The following MYO18B variants were observed in gnomAD, a reference collection of about 807,000 sequenced individuals.
MYO18B encodes unconventional myosin-XVIIIb.
In MYO18B, 204 loss-of-function variants were observed where a neutral mutation model predicts 273.0. The ratio of observed to expected loss-of-function variants is 0.75; its 90% confidence interval spans 0.67 to 0.84. The LOEUF (loss-of-function observed/expected upper bound fraction) is 0.84, where lower values mean the gene tolerates loss of function less well. Ranked by LOEUF, MYO18B falls within the 40% of genes least tolerant of loss-of-function variation. The probability of loss-of-function intolerance (pLI) is 0.00; values close to 1 mark genes in which losing one functional copy is unlikely to be tolerated. For missense variants in MYO18B, 3,212 were observed against 3,287.6 expected (o/e 0.98, Z 0.56); for synonymous variants, 1,330 against 1,305.7 (o/e 1.02, Z -0.40).
In MYO18B at chr22:25,768,986, A is replaced by G. The variant is rs747996184; in HGVS notation, c.1070A>G (p.Lys357Arg). Reference sequence around the variant, plus strand: ...GGTGAGCCTCAGACCCAGATGGAGAAGACAAGCCAAGTGCAGGGCGAGTTG... The same window carrying G: ...GGTGAGCCTCAGACCCAGATGGAGAGGACAAGCCAAGTGCAGGGCGAGTTG... ...KTGEPQTQMEKTSQVQGELGD... is the reference protein window; with the variant it reads ...KTGEPQTQMERTSQVQGELGD... Residue 357 changes from lysine (K) to arginine (R), a missense_variant, in exon 4 of 44, where the codon AAG becomes AGG. Coordinates refer to ENST00000335473, the MANE Select transcript of MYO18B (RefSeq NM_032608.7). 1 of 1,611,376 alleles carries G rather than the reference A, an allele frequency of 6.2e-7. No individual in the cohort carries two copies. Among genetic ancestry groups the G allele is most frequent in the East Asian group, 2.2e-5 (1 of 44,856 alleles).
intron 21 of MYO18B, among the ~76,000 whole-genome samples, chr22:25,865,003 T>C (rs574011903): frequency 2.0e-5 from 3 of 152,256 alleles, no homozygotes; most frequent in Non-Finnish European, 4.4e-5. Flanking sequence ...GATTATGTTA[T>C]GTTGAACTAA....
chr22:25,818,518 G>T (rs533873080), intron 12 of MYO18B, among the ~76,000 whole-genome samples: 27 of 152,312 alleles, frequency 1.8e-4, no homozygotes, highest in African/African-American at 6.5e-4. Flanking sequence ...AAAGCCTTTA[G>T]CTCAGTGCCT....
chr22:25,779,373 G>T (rs1427069219), intron 8 of MYO18B, among the ~76,000 whole-genome samples: 1 of 152,092 alleles, frequency 6.6e-6, no homozygotes, highest in East Asian at 1.9e-4. Context: ...TAATTAATTT[G>T]CCCCAAATCA....
intron 28 of MYO18B, chr22:25,897,367 C>T (rs1399988820): frequency 6.6e-6 from 1 of 152,130 alleles, no homozygotes; most frequent in Admixed American, 6.6e-5. Context: ...CTCTTGATAT[C>T]CTCTATGCTG....
At chr22:25,809,679 G>C (rs143095057) in intron 12 of MYO18B, among the ~76,000 whole-genome samples, 3 of 152,214 alleles carry the variant, frequency 2.0e-5, no homozygotes, top group African/African-American at 7.2e-5. Flanking sequence ...GGAGCCAGGA[G>C]GTGCTCATGG....
intron 32 of MYO18B, among the ~76,000 whole-genome samples, chr22:25,910,646 C>T (rs1426424423): frequency 1.3e-5 from 2 of 152,196 alleles, no homozygotes; most frequent in East Asian, 3.8e-4. Context: ...AAATATTCAG[C>T]AGTGGCCATG....
At chr22:25,915,634 TTTA>T (rs2092249797) in intron 33 of MYO18B, among the ~76,000 whole-genome samples, 1 of 152,224 alleles carries the variant, frequency 6.6e-6, no homozygotes, top group Non-Finnish European at 1.5e-5. Context: ...AAAAAGATGT[TTTA>T]TTATTGAATA....
rs368684512 is a variant in MYO18B at position 25,948,945 on chromosome 22, G to A, written c.5748+1117G>A. ...GAGTGGGACATTGGGGATTGGGGGT[G>A]CCTTCCAAGCAGAGGAAATAGCACA... is the stretch of plus-strand genomic sequence containing the variant. On this transcript the variant is annotated intron_variant, in intron 36 of 43. Transcript: ENST00000335473. 2.0e-5 allele frequency among the ~76,000 whole-genome samples: 3 copies of A among 152,098 alleles called. No homozygotes were observed. In the East Asian group the frequency reaches 5.8e-4, roughly 29 times the overall value.
chr22:26,060,586 C>T, the MYO18B span, among the ~76,000 whole-genome samples: 20 of 152,128 alleles, frequency 1.3e-4, no homozygotes, highest in Non-Finnish European at 2.8e-4. Context: ...CACATACACA[C>T]GTATACACAC....
At chr22:25,966,811 T>C (rs1012387798) in intron 39 of MYO18B, among the ~76,000 whole-genome samples, 2 of 152,200 alleles carry the variant, frequency 1.3e-5, no homozygotes, top group African/African-American at 2.4e-5. Context: ...GCCTCAGACA[T>C]GTTTCTGAAA....
chr22:25,755,644 C>A (rs1374686678), intron 1 of MYO18B, among the ~76,000 whole-genome samples: 1 of 152,192 alleles, frequency 6.6e-6, no homozygotes, highest in East Asian at 1.9e-4. Flanking sequence ...GCAGATGCCT[C>A]CTGAATGTCT....
At position 25,916,441 on chromosome 22, in the gene MYO18B, A is replaced by T. The variant is rs142057942; in HGVS notation, c.5365-4816A>T. On this transcript the variant is annotated intron_variant, in intron 33 of 43. Transcript: ENST00000335473. ...ACCTTCAATATTTTTTATCCCACTT[A>T]AACTGTTTTCTTTAAGATAATACAT... is the stretch of plus-strand genomic sequence containing the variant. Among the ~76,000 whole-genome samples the T allele has an allele frequency of 2.2e-3, 330 of 152,254 alleles. 1 individual carries two copies. The highest frequency in any genetic ancestry group is 3.5e-3 in the Non-Finnish European group (239 of 68,006).
chr22:25,922,479 C>T (rs1352059086), intron 34 of MYO18B, among the ~76,000 whole-genome samples: 1 of 152,130 alleles, frequency 6.6e-6, no homozygotes, highest in Admixed American at 6.5e-5. Context: ...TGCTACCGGT[C>T]CCCATGGGGA....
At chr22:25,889,379 G>A (rs905409471) in intron 25 of MYO18B, among the ~76,000 whole-genome samples, 6 of 152,058 alleles carry the variant, frequency 3.9e-5, no homozygotes, top group African/African-American at 1.4e-4. Flanking sequence ...CAGAGGGTCC[G>A]ATGAAAGAGT....
At chr22:25,779,715 C>T (rs899154557) in intron 8 of MYO18B, among the ~76,000 whole-genome samples, 1 of 152,232 alleles carries the variant, frequency 6.6e-6, no homozygotes, top group African/African-American at 2.4e-5. Flanking sequence ...ATGTTATCCT[C>T]ACCTCTTCCT....
At chr22:25,818,553 C>A (rs1051903715) in intron 12 of MYO18B, among the ~76,000 whole-genome samples, 1 of 152,198 alleles carries the variant, frequency 6.6e-6, no homozygotes, top group Non-Finnish European at 1.5e-5. Flanking sequence ...GCTCAACACT[C>A]GATGGCTTGA....
intron 3 of MYO18B, among the ~76,000 whole-genome samples, chr22:25,764,828 C>T (rs186081043): frequency 3.9e-5 from 6 of 152,320 alleles, no homozygotes; most frequent in Admixed American, 3.3e-4. Flanking sequence ...TTTAATACCC[C>T]GTGCAGCAAT....
At position 25,880,966 on chromosome 22, in the gene MYO18B, A is replaced by G. The variant is rs536547312; in HGVS notation, c.4314+2918A>G. Among the ~76,000 whole-genome samples the G allele has an allele frequency of 2.7e-4, 41 of 152,382 alleles. 2 individuals carry two copies. Among genetic ancestry groups the G allele is most frequent in the African/African-American group, 9.9e-4 (41 of 41,592 alleles). On this transcript the variant is annotated intron_variant, in intron 25 of 43. Coordinates refer to ENST00000335473, the MANE Select transcript of MYO18B (RefSeq NM_032608.7). ...AATGTGAGATAATATTTGTCAGTCCAGGACAAAATTTAAAGATTTCTACAC... is the reference window on the plus strand; with the variant it reads ...AATGTGAGATAATATTTGTCAGTCCGGGACAAAATTTAAAGATTTCTACAC...
At chr22:26,033,903 CCCTT>C (rs1297300227), downstream of MYO18B, among the ~76,000 whole-genome samples, 4 of 137,436 alleles carry the variant, frequency 2.9e-5, no homozygotes, top group African/African-American at 6.1e-5. Flanking sequence ...TTCTCTTCCT[CCCTT>C]CCTTCCTTCT....
Sources: gnomAD v4.1 joint callset for allele counts (sites outside exome capture counted in the v4.1 genomes callset) on GRCh38, gnomAD v4.1.1 for gene constraint, MANE v1.5 for transcripts, NCBI Gene and HGNC (gene_info 2026-07-23, HGNC 2026-07-21) for gene names.